The following CENPK variants were observed in gnomAD, a reference collection of about 807,000 sequenced individuals.
CENPK encodes the protein SoxLZ/Sox6-binding protein Solt.
In CENPK, 46 loss-of-function variants were observed where a neutral mutation model predicts 40.9. The ratio of observed to expected loss-of-function variants is 1.13; its 90% CI spans 0.89 to 1.44. The LOEUF is 1.44. CENPK is among the 40% of genes most tolerant of loss of function. CENPK has a pLI of 0.00. For missense variants in CENPK, 288 were observed against 303.5 expected (o/e 0.95, Z 0.38); for synonymous variants, 107 against 104.4 (o/e 1.02, Z -0.15).
intron 10 of CENPK, 125 bp downstream of exon 10, chr5:65,521,350 T>C: frequency 1.5e-6 from 1 of 660,106 alleles, no homozygotes; most frequent in Non-Finnish European, 2.7e-6. Flanking sequence ...TACAAATATA[T>C]TTAATAAAGA....
intron 4 of CENPK, among the ~76,000 whole-genome samples, chr5:65,551,902 C>T (rs1750133596): frequency 6.6e-6 from 1 of 151,304 alleles, no homozygotes; most frequent in Admixed American, 6.6e-5. Flanking sequence ...AGATTCGACA[C>T]AGATAGTAAA....
intron 2 of CENPK, among the ~76,000 whole-genome samples, chr5:65,556,915 T>C (rs745844083): frequency 3.9e-5 from 6 of 152,256 alleles, no homozygotes; most frequent in Admixed American, 1.3e-4. Context: ...AGGTATGTAG[T>C]AGGTTATACC....
intron 2 of CENPK, among the ~76,000 whole-genome samples, chr5:65,555,634 T>A (rs1750849013): frequency 6.6e-6 from 1 of 152,176 alleles, no homozygotes; most frequent in Non-Finnish European, 1.5e-5. Flanking sequence ...CCAAGCAAGA[T>A]GTAGACCAGG....
the CENPK span, among the ~76,000 whole-genome samples, chr5:65,498,785 T>C: frequency 6.6e-6 from 1 of 151,734 alleles, no homozygotes; most frequent in Non-Finnish European, 1.5e-5. Flanking sequence ...GGCTCCTTAG[T>C]AACTAGGACT....
the CENPK span, among the ~76,000 whole-genome samples, chr5:65,498,466 A>G: frequency 6.6e-6 from 1 of 151,986 alleles, no homozygotes; most frequent in Non-Finnish European, 1.5e-5. Flanking sequence ...CCCAGTTACA[A>G]TCGTCTTAAA....
chr5:65,562,958 G>C (rs985927947), intron 1 of CENPK, 140 bp downstream of exon 1: 7 of 183,768 alleles, frequency 3.8e-5, no homozygotes, highest in Non-Finnish European at 5.8e-5. Flanking sequence ...GCGTTGGCGC[G>C]CGGGAAGCCG....
intron 2 of CENPK, among the ~76,000 whole-genome samples, chr5:65,555,698 T>C (rs754476586): frequency 6.6e-6 from 1 of 152,184 alleles, no homozygotes; most frequent in Non-Finnish European, 1.5e-5. Flanking sequence ...ATTTTCAAGA[T>C]GGAGCCAACA....
chr5:65,551,682 C>A, intron 4 of CENPK, 46 bp from the exon 5 acceptor site: 4 of 1,026,150 alleles, frequency 3.9e-6, no homozygotes, highest in East Asian at 2.6e-5. Flanking sequence ...CTATTCATAC[C>A]TATTCATAGA....
At position 65,518,132 on chromosome 5, in the gene CENPK, A is replaced by G. The variant is rs1338827386; in HGVS notation, c.*343T>C. 1.3e-5 allele frequency: 2 copies of G among 155,288 alleles called. No homozygotes were observed. The highest frequency in any genetic ancestry group is 4.8e-5 in the African/African-American group (2 of 41,544). The allele number at this position is 155,288 out of a possible 1,614,324, so 9.6% of individuals were successfully genotyped here. A position where few individuals can be genotyped will look rare whatever the true frequency, so the allele number is the denominator to read the frequency against. On this transcript the variant is annotated 3_prime_UTR_variant, in exon 11 of 11. Transcript: ENST00000396679. ...CCAGCTGGAACTCAAAATGCATAAA[A>G]GATATTGTTATATATTTTAAGAAAA...
chr5:65,504,752 A>C, the CENPK span, among the ~76,000 whole-genome samples: 3 of 152,114 alleles, frequency 2.0e-5, no homozygotes, highest in Non-Finnish European at 4.4e-5. Context: ...TTCTTTCTAA[A>C]TGTCTTTACA....
At chr5:65,526,779 C>A (rs557857337) in intron 9 of CENPK, among the ~76,000 whole-genome samples, 105 of 152,188 alleles carry the variant, frequency 6.9e-4, no homozygotes, top group African/African-American at 2.5e-3. Context: ...GGCAACATAG[C>A]AAGACCTCGT....
intron 6 of CENPK, among the ~76,000 whole-genome samples, chr5:65,538,179 T>C (rs189016715): frequency 6.6e-6 from 1 of 152,304 alleles, no homozygotes; most frequent in Admixed American, 6.5e-5. Context: ...TCTTATCCTG[T>C]GGATGGTATT....
chr5:65,500,077 A>C, the CENPK span, among the ~76,000 whole-genome samples: 430 of 45,616 alleles, frequency 9.4e-3, 21 homozygotes, highest in African/African-American at 0.036. Flanking sequence ...ATTGTTGGAC[A>C]TTTGGGTTGG....
the CENPK span, among the ~76,000 whole-genome samples, chr5:65,501,817 G>C: frequency 6.6e-6 from 1 of 152,294 alleles, no homozygotes; most frequent in Non-Finnish European, 1.5e-5. Flanking sequence ...GCTAGGAAAG[G>C]AAGGAGCACC....
At chr5:65,540,338 T>C (rs1188053517) in intron 6 of CENPK, among the ~76,000 whole-genome samples, 1 of 152,234 alleles carries the variant, frequency 6.6e-6, no homozygotes, top group Non-Finnish European at 1.5e-5. Flanking sequence ...GGAATGCAAT[T>C]CAGCTCTCTG....
chr5:65,551,819 T>C (rs1750116166), intron 4 of CENPK, among the ~76,000 whole-genome samples, 183 bp from the exon 5 acceptor site: 1 of 152,190 alleles, frequency 6.6e-6, no homozygotes. Context: ...GATCTATTCC[T>C]ACAGCAATTC....
intron 2 of CENPK, among the ~76,000 whole-genome samples, chr5:65,559,405 G>A (rs887030029): frequency 2.2e-4 from 33 of 152,042 alleles, no homozygotes; most frequent in South Asian, 4.2e-4. Context: ...CGAGGCGGGC[G>A]GATCACGAGG....
the CENPK span, among the ~76,000 whole-genome samples, chr5:65,510,317 G>A: frequency 6.6e-6 from 1 of 152,338 alleles, no homozygotes; most frequent in African/African-American, 2.4e-5. Flanking sequence ...GCTGATCAAT[G>A]GAGAAAGTTT....
chr5:65,514,456 G>C (rs1335082493), downstream of CENPK, among the ~76,000 whole-genome samples: 5 of 151,286 alleles, frequency 3.3e-5, no homozygotes, highest in Admixed American at 6.6e-5. Flanking sequence ...TAGTAGAGAC[G>C]GGGTTTCACC....
Sources: gnomAD v4.1 joint callset for allele counts (sites outside exome capture counted in the v4.1 genomes callset) on GRCh38, gnomAD v4.1.1 for gene constraint, MANE v1.5 for transcripts, NCBI Gene and HGNC (gene_info 2026-07-23, HGNC 2026-07-21) for gene names.